PDE10A: variants seen among roughly 807,000 people sequenced by gnomAD.
PDE10A encodes cAMP and cAMP-inhibited cGMP 3',5'-cyclic phosphodiesterase 10A.
PDE10A carries 39 observed loss-of-function variants against 97.7 expected under a neutral mutation model. The ratio of observed to expected loss-of-function variants is 0.40; its 90% confidence interval spans 0.31 to 0.52. The LOEUF (loss-of-function observed/expected upper bound fraction) is 0.52, where lower values mean the gene tolerates loss of function less well. Ranked by LOEUF, PDE10A falls within the 20% of genes least tolerant of loss-of-function variation. PDE10A has a pLI of 0.56. For missense variants in PDE10A, 731 were observed against 1,047.8 expected (o/e 0.70, Z 4.17); for synonymous variants, 371 against 376.8 (o/e 0.98, Z 0.18).
chr6:165,624,979 T>G (rs57030203), intron 1 of PDE10A, among the ~76,000 whole-genome samples: 29,374 of 152,098 alleles, frequency 0.19, 4,281 homozygotes, highest in African/African-American at 0.41. Context: ...GAGGAAGAGT[T>G]TGCTATGCAG....
At chr6:165,799,902 G>C (rs1778938917) in intron 1 of PDE10A, among the ~76,000 whole-genome samples, 1 of 152,180 alleles carries the variant, frequency 6.6e-6, no homozygotes, top group Non-Finnish European at 1.5e-5. Context: ...CACGCTTTCT[G>C]CAGTTAGCCA....
intron 13 of PDE10A, 59 bp from the exon 14 acceptor site, chr6:165,396,518 G>C (rs757251549): frequency 2.3e-5 from 34 of 1,504,800 alleles, no homozygotes; most frequent in Non-Finnish European, 2.9e-5. Context: ...AAACTGTTTT[G>C]TCACGGAAGT....
chr6:165,844,892 T>C (rs1780368132), intron 1 of PDE10A, among the ~76,000 whole-genome samples: 1 of 152,180 alleles, frequency 6.6e-6, no homozygotes, highest in South Asian at 2.1e-4. Flanking sequence ...TGTGACCAAG[T>C]AGCTCCTTTC....
At chr6:165,455,160 T>C (rs1777878439) in intron 3 of PDE10A, among the ~76,000 whole-genome samples, 1 of 152,134 alleles carries the variant, frequency 6.6e-6, no homozygotes, top group East Asian at 1.9e-4. Flanking sequence ...TATTATTATC[T>C]TGAGACAGGG....
At position 165,396,451 on chromosome 6, in the gene PDE10A, A is replaced by T. The variant is rs111737394; in HGVS notation, c.2085T>A (p.His695Gln). The stretch of plus-strand genomic sequence containing the variant: ...AAATGCACTCTGAGTGGCGAATTCT[A>T]TGATACATCTAGAAGGCAAATCCAA... ...ALALHCANMY[H>Q]RIRHSECIYR... Residue 695 changes from histidine to glutamine, a missense_variant, in exon 14 of 22, where the codon CAT (histidine) becomes CAA (glutamine). His to Gln is a conservative substitution (Grantham distance 24). This residue lies in a region of PDE10A where 131 missense variants were observed against 187.4 expected (regional missense o/e 0.70). Coordinates refer to ENST00000539869, the MANE Select transcript of PDE10A (RefSeq NM_001385079.1). 18 of 1,610,836 alleles carry T rather than the reference A, an allele frequency of 1.1e-5. No individual in the cohort carries two copies. The Admixed American group carries it at 2.8e-4, about 25-fold the overall frequency.
chr6:165,929,087 C>T (rs9348055), intron 1 of PDE10A, among the ~76,000 whole-genome samples: 30,402 of 152,050 alleles, frequency 0.2, 3,262 homozygotes, highest in East Asian at 0.27. Context: ...GCACAGAAGG[C>T]TGTTTGGAGG....
intron 1 of PDE10A, among the ~76,000 whole-genome samples, chr6:165,572,998 T>C (rs1326906454): frequency 1.3e-5 from 2 of 152,204 alleles, no homozygotes; most frequent in Non-Finnish European, 2.9e-5. Flanking sequence ...ACTTGCTATA[T>C]TTCACTAATC....
At chr6:165,642,361 C>T (rs1247299892) in intron 1 of PDE10A, among the ~76,000 whole-genome samples, 2 of 152,296 alleles carry the variant, frequency 1.3e-5, no homozygotes, top group South Asian at 2.1e-4. Context: ...AGGTCATGGA[C>T]GTCCATCTGT....
chr6:165,436,515 T>C (rs1583282771), intron 5 of PDE10A, among the ~76,000 whole-genome samples: 1 of 152,156 alleles, frequency 6.6e-6, no homozygotes, highest in African/African-American at 2.4e-5. Flanking sequence ...GTACTTGAAA[T>C]TAATAACAAT....
At chr6:165,706,790 T>C (rs180699957) in intron 1 of PDE10A, among the ~76,000 whole-genome samples, 2 of 152,240 alleles carry the variant, frequency 1.3e-5, no homozygotes, top group South Asian at 2.1e-4. Context: ...AAAAGGCTTA[T>C]GAATAACAGA....
chr6:165,404,185 C>G (rs142537992), intron 13 of PDE10A, among the ~76,000 whole-genome samples: 89 of 152,200 alleles, frequency 5.8e-4, no homozygotes, highest in African/African-American at 1.9e-3. Flanking sequence ...AAAATATGTA[C>G]AACTATTATA....
intron 1 of PDE10A, among the ~76,000 whole-genome samples, chr6:165,915,531 C>G (rs900685562): frequency 6.6e-6 from 1 of 152,094 alleles, no homozygotes; most frequent in Admixed American, 6.5e-5. Flanking sequence ...CACAACAGGA[C>G]AGGGGAAGGG....
chr6:165,820,173 AAATG>A (rs1442535533), intron 1 of PDE10A, among the ~76,000 whole-genome samples: 1 of 152,228 alleles, frequency 6.6e-6, no homozygotes, highest in Admixed American at 6.5e-5. Flanking sequence ...AAAAAGATAC[AAATG>A]AATGAACTGC....
chr6:165,795,419 G>A (rs1486204472), intron 1 of PDE10A, among the ~76,000 whole-genome samples: 1 of 152,074 alleles, frequency 6.6e-6, no homozygotes, highest in African/African-American at 2.4e-5. Flanking sequence ...CACATCACCT[G>A]TGACTGGCAT....
At chr6:165,855,004 T>C (rs1186337427) in intron 1 of PDE10A, among the ~76,000 whole-genome samples, 1 of 91,944 alleles carries the variant, frequency 1.1e-5, no homozygotes, top group Non-Finnish European at 2.8e-5. Flanking sequence ...AATGAATGAA[T>C]GAATGAATGA....
intron 1 of PDE10A, chr6:165,576,568 A>C: frequency 1.5e-6 from 1 of 689,180 alleles, no homozygotes; most frequent in South Asian, 1.7e-5. Flanking sequence ...AAAAAATCAA[A>C]TAACTAACAG....
At chr6:165,707,271 G>C (rs568622435) in intron 1 of PDE10A, among the ~76,000 whole-genome samples, 1 of 152,124 alleles carries the variant, frequency 6.6e-6, no homozygotes, top group Non-Finnish European at 1.5e-5. Context: ...GATGGGTGGC[G>C]GGCAGCTTGG....
At chr6:165,832,829 A>G (rs576750057) in intron 1 of PDE10A, among the ~76,000 whole-genome samples, 12 of 152,332 alleles carry the variant, frequency 7.9e-5, no homozygotes, top group African/African-American at 2.9e-4. Context: ...TTGTGGTGAG[A>G]AAACACGGTC....
At chr6:165,691,572 C>T (rs573053446) in intron 1 of PDE10A, among the ~76,000 whole-genome samples, 6 of 139,204 alleles carry the variant, frequency 4.3e-5, no homozygotes, top group East Asian at 4.5e-4. Context: ...CGTGCCCATG[C>T]GCACGCATGC....
Sources: allele counts gnomAD v4.1 joint callset (sites outside exome capture counted in the v4.1 genomes callset), GRCh38; gene constraint gnomAD v4.1.1; regional missense constraint gnomAD v4.1.1; transcripts MANE v1.5; gene names NCBI Gene and HGNC (gene_info 2026-07-23, HGNC 2026-07-21).